The following ZC3H12B variants were observed in gnomAD, a reference collection of about 807,000 sequenced individuals.
ZC3H12B encodes probable ribonuclease ZC3H12B.
Under a neutral mutation model 43.9 loss-of-function variants are expected in ZC3H12B, and 7 were observed. The observed-to-expected ratio is 0.16, with a 90% CI of 0.09 to 0.30. The LOEUF (loss-of-function observed/expected upper bound fraction) is 0.30. ZC3H12B is among the 10% of genes least tolerant of loss of function. The pLI is 1.00. For missense variants in ZC3H12B, 475 were observed against 670.2 expected (o/e 0.71, Z 3.22); for synonymous variants, 222 against 241.7 (o/e 0.92, Z 0.76).
the ZC3H12B span, among the ~76,000 whole-genome samples, chrX:65,230,405 G>T: frequency 1.1e-3 from 120 of 108,547 alleles, no homozygotes; most frequent in African/African-American, 3.9e-3. Context: ...GAAGGGGGAG[G>T]GATAGCATTA....
chrX:65,157,596 G>C, the ZC3H12B span, among the ~76,000 whole-genome samples: 15 of 110,933 alleles, frequency 1.4e-4, no homozygotes, highest in Non-Finnish European at 2.3e-4. Flanking sequence ...ATATTACTAT[G>C]TTTAAATATG....
At chrX:65,486,870 C>T (rs778433719), upstream of ZC3H12B, among the ~76,000 whole-genome samples, 3 of 112,298 alleles carry the variant, frequency 2.7e-5, no homozygotes, top group Admixed American at 9.5e-5. Flanking sequence ...CAGGTACCTC[C>T]CATTTGCCAA....
At chrX:65,356,634 G>T in the ZC3H12B span, among the ~76,000 whole-genome samples, 3 of 111,514 alleles carry the variant, frequency 2.7e-5, no homozygotes, top group South Asian at 3.7e-4. Context: ...GTTATATTTT[G>T]TATATTCATA....
chrX:65,153,592 G>A, the ZC3H12B span, among the ~76,000 whole-genome samples: 4 of 111,904 alleles, frequency 3.6e-5, no homozygotes, highest in African/African-American at 9.7e-5. Context: ...AGGTGCTGGA[G>A]AGGATGTGGA....
At chrX:65,419,818 G>T (rs1214070334) in intron 3 of ZC3H12B, among the ~76,000 whole-genome samples, 4 of 111,301 alleles carry the variant, frequency 3.6e-5, no homozygotes, top group Non-Finnish European at 3.8e-5. Flanking sequence ...ATGGGCCTAG[G>T]TTCCAGACTG....
chrX:65,311,898 A>G, the ZC3H12B span, among the ~76,000 whole-genome samples: 2 of 111,347 alleles, frequency 1.8e-5, no homozygotes, highest in African/African-American at 6.6e-5. Flanking sequence ...ACAAAATTAG[A>G]AAACCAAACA....
At chrX:65,451,601 A>C (rs1166190866) in intron 3 of ZC3H12B, among the ~76,000 whole-genome samples, 1 of 111,101 alleles carries the variant, frequency 9.0e-6, no homozygotes. Flanking sequence ...CAGCCTTCCA[A>C]AGTGTTTGTA....
chrX:65,299,915 G>A, the ZC3H12B span, among the ~76,000 whole-genome samples: 1 of 112,319 alleles, frequency 8.9e-6, no homozygotes, highest in Non-Finnish European at 1.9e-5. Context: ...TATGGGAGAA[G>A]GATTTGACCT....
chrX:65,060,052 G>A, the ZC3H12B span, among the ~76,000 whole-genome samples: 5 of 107,892 alleles, frequency 4.6e-5, no homozygotes, highest in Non-Finnish European at 9.4e-5. Flanking sequence ...ACTTAGCATT[G>A]TTATGTTGAT....
At chrX:65,119,895 A>G in the ZC3H12B span, among the ~76,000 whole-genome samples, 1 of 112,040 alleles carries the variant, frequency 8.9e-6, no homozygotes, top group African/African-American at 3.2e-5. Context: ...ACCATTTATT[A>G]AATAGGGAAC....
the ZC3H12B span, among the ~76,000 whole-genome samples, chrX:65,234,965 AG>A: frequency 8.9e-6 from 1 of 111,740 alleles, no homozygotes; most frequent in Admixed American, 9.5e-5. Context: ...TACTGCTGTT[AG>A]TTTGCTGAGG....
At chrX:65,340,325 A>T in the ZC3H12B span, among the ~76,000 whole-genome samples, 1 of 111,759 alleles carries the variant, frequency 8.9e-6, no homozygotes, top group Non-Finnish European at 1.9e-5. Flanking sequence ...GTATCTCAGC[A>T]CCTGATGGCA....
chrX:65,461,332 A>T (rs2067742592), intron 3 of ZC3H12B, among the ~76,000 whole-genome samples: 1 of 112,264 alleles, frequency 8.9e-6, no homozygotes, highest in Admixed American at 9.4e-5. Context: ...ATAGCATTTG[A>T]TCCAGCCATC....
At chrX:65,386,337 C>G (rs1042497994) in intron 2 of ZC3H12B, among the ~76,000 whole-genome samples, 2 of 111,419 alleles carry the variant, frequency 1.8e-5, no homozygotes, top group Non-Finnish European at 3.8e-5. Flanking sequence ...TGTTATTGGT[C>G]TATTCAGGGA....
At chrX:65,321,295 C>A in the ZC3H12B span, among the ~76,000 whole-genome samples, 3 of 111,367 alleles carry the variant, frequency 2.7e-5, no homozygotes, top group Admixed American at 9.5e-5. Flanking sequence ...CAAATGAAAA[C>A]GAAAAATCTC....
intron 3 of ZC3H12B, among the ~76,000 whole-genome samples, chrX:65,458,545 A>T (rs975883051): frequency 8.9e-6 from 1 of 112,213 alleles, no homozygotes; most frequent in African/African-American, 3.2e-5. Context: ...AGAACTCAGG[A>T]TTAAGAAACT....
the ZC3H12B span, among the ~76,000 whole-genome samples, chrX:65,276,304 A>G: frequency 0.02 from 2,256 of 111,902 alleles, 59 homozygotes; most frequent in African/African-American, 0.071. Context: ...AACTTTCCAA[A>G]TCTTAGGACA....
At chrX:65,099,578 G>T in the ZC3H12B span, among the ~76,000 whole-genome samples, 1 of 111,279 alleles carries the variant, frequency 9.0e-6, no homozygotes, top group African/African-American at 3.3e-5. Context: ...GTGATACTCA[G>T]GCAAATAGGG....
At chrX:65,159,813 G>C in the ZC3H12B span, among the ~76,000 whole-genome samples, 3 of 111,831 alleles carry the variant, frequency 2.7e-5, no homozygotes, top group Non-Finnish European at 5.6e-5. Flanking sequence ...AAGAGGAGTG[G>C]TGAGAGAGGG....
Sources: gnomAD v4.1 joint callset for allele counts (sites outside exome capture counted in the v4.1 genomes callset) on GRCh38, gnomAD v4.1.1 for gene constraint, MANE v1.5 for transcripts, NCBI Gene and HGNC (gene_info 2026-07-23, HGNC 2026-07-21) for gene names.